The following STK31 variants were observed in gnomAD, a reference collection of about 807,000 sequenced individuals.
STK31 encodes serine/threonine-protein kinase 31.
STK31 carries 89 observed loss-of-function variants against 129.7 expected under a neutral mutation model. That is an observed-to-expected ratio of 0.69 (90% CI 0.58 to 0.82). The LOEUF is 0.82. STK31 is among the 40% of genes least tolerant of loss of function. The pLI is 0.00. For synonymous variants in STK31, 448 were observed against 395.3 expected, an observed-to-expected ratio of 1.13 and a Z score of -1.58; for missense variants, 1,187 against 1,176.4, an observed-to-expected ratio of 1.01 and a Z score of -0.13.
At chr7:23,721,785 G>A (rs562175437) in intron 4 of STK31, 32 of 645,868 alleles carry the variant, frequency 5.0e-5, no homozygotes, top group East Asian at 2.1e-4. Flanking sequence ...CCAGTTCTGC[G>A]TTAACTGATC....
Position 23,763,353 on chromosome 7 carries a change from G to A in STK31, c.1416+430G>A, listed in dbSNP as rs148460779. Among the ~76,000 whole-genome samples the A allele has an allele frequency of 7.9e-5, 12 of 152,264 alleles. No individual in the cohort carries two copies. In the East Asian group the frequency reaches 2.3e-3, roughly 29 times the overall value. ...TGATGTGATCAGAGGCTAGAGTACT[G>A]TAGTACATATAGCTATATGATATGG... On this transcript the variant is annotated intron_variant, in intron 11 of 23. Transcript: ENST00000355870.
intron 15 of STK31, among the ~76,000 whole-genome samples, chr7:23,778,155 A>G (rs911116877): frequency 6.6e-6 from 1 of 152,170 alleles, no homozygotes. Flanking sequence ...AGAATGTTGA[A>G]TATTGGCCCC....
chr7:23,730,879 T>TATATATATATATA (rs1491380351), intron 6 of STK31, among the ~76,000 whole-genome samples: 30 of 39,308 alleles, frequency 7.6e-4, no homozygotes, highest in African/African-American at 2.0e-3. Flanking sequence ...TATATATATA[T>TATATATATATATA]TTTTTTTTTT....
chr7:23,721,819 T>G, intron 4 of STK31: 1 of 561,416 alleles, frequency 1.8e-6, no homozygotes, highest in Non-Finnish European at 3.3e-6. Context: ...ATCCTCTACA[T>G]TCATTTGATC....
intron 1 of STK31, among the ~76,000 whole-genome samples, chr7:23,711,278 A>T (rs1785943874): frequency 1.3e-5 from 2 of 152,154 alleles, no homozygotes; most frequent in African/African-American, 4.8e-5. Flanking sequence ...CTCTACTAAA[A>T]ATACAAAAAT....
chr7:23,728,523 G>A (rs966179877), intron 5 of STK31, among the ~76,000 whole-genome samples: 1 of 152,062 alleles, frequency 6.6e-6, no homozygotes, highest in Admixed American at 6.5e-5. Context: ...ATGTTTTTCA[G>A]TTGGCTTTAA....
At chr7:23,737,194 T>G (rs926371644) in intron 8 of STK31, 116 bp downstream of exon 8, 1 of 933,550 alleles carries the variant, frequency 1.1e-6, no homozygotes, top group African/African-American at 1.7e-5. Flanking sequence ...TCTCCTTTGC[T>G]AATCCCTGTA....
intron 11 of STK31, among the ~76,000 whole-genome samples, chr7:23,766,867 T>C (rs1789860588): frequency 6.6e-6 from 1 of 152,174 alleles, no homozygotes; most frequent in South Asian, 2.1e-4. Context: ...GTTTAAAATC[T>C]TTTTATCTTA....
intron 8 of STK31, among the ~76,000 whole-genome samples, chr7:23,744,042 C>T (rs1469137998): frequency 6.6e-6 from 1 of 151,902 alleles, no homozygotes; most frequent in East Asian, 1.9e-4. Context: ...GCCTCAGCTT[C>T]CTGAGTAGCT....
intron 22 of STK31, among the ~76,000 whole-genome samples, chr7:23,799,697 A>G (rs1218148863): frequency 6.6e-6 from 1 of 152,234 alleles, no homozygotes; most frequent in Non-Finnish European, 1.5e-5. Context: ...TTCATGACTA[A>G]AACACCAAAA....
chr7:23,711,031 T>A (rs1338739264), intron 1 of STK31, among the ~76,000 whole-genome samples: 2 of 152,222 alleles, frequency 1.3e-5, no homozygotes, highest in Non-Finnish European at 2.9e-5. Flanking sequence ...AATTAAGTTG[T>A]GACAAAGTAA....
At chr7:23,716,295 A>G (rs1260272623) in intron 3 of STK31, among the ~76,000 whole-genome samples, 1 of 152,166 alleles carries the variant, frequency 6.6e-6, no homozygotes, top group Non-Finnish European at 1.5e-5. Context: ...CAGAAGTGAT[A>G]TTGTAGTCCT....
rs1302881752 is a variant in STK31 at position 23,769,663 on chromosome 7, A to G, written c.1620A>G (p.Gly540=). The G allele has an allele frequency of 1.8e-5, 29 of 1,610,976 alleles. No individual in the cohort carries two copies. Among genetic ancestry groups the G allele is most frequent in the Admixed American group, 5.0e-5 (3 of 59,820 alleles). ...AGGTTTTTGACCTATCTGTGGAAGG[A>G]TCACTGATTTCAGAAGACGCAATGG... is the stretch of plus-strand genomic sequence containing the variant. The part of the protein sequence containing the change: ...TLKVFDLSVE[G]SLISEDAMDN... The change falls in exon 13 of 24, where the codon GGA becomes GGG. Residue 540 remains glycine, a synonymous_variant. Transcript: ENST00000355870.
rs76762003 is a variant in STK31 at position 23,727,098 on chromosome 7, T to A, written c.250-143T>A. 1,542 of 674,948 alleles carry A rather than the reference T, an allele frequency of 2.3e-3. 17 individuals carry two copies. The African/African-American group carries it at 0.026, about 11-fold the overall frequency. 41.8% of individuals were successfully genotyped at this position (674,948 alleles called of 1,614,324 possible). On this transcript the variant is annotated intron_variant, in intron 4 of 23. Coordinates refer to ENST00000355870, the MANE Select transcript of STK31 (RefSeq NM_031414.5). ...TACATAGTGGCATAAACAAAGTACCTGCCTGATAGGATTGTGAGAATTAAA... is the reference window on the plus strand; with the variant it reads ...TACATAGTGGCATAAACAAAGTACCAGCCTGATAGGATTGTGAGAATTAAA...
Position 23,772,177 on chromosome 7 carries a change from A to G in STK31, c.1864A>G (p.Lys622Glu), listed in dbSNP as rs751298499. 13 of 1,590,014 alleles carry G rather than the reference A, an allele frequency of 8.2e-6. No individual in the cohort carries two copies. Among genetic ancestry groups the G allele is most frequent in the South Asian group, 1.2e-5 (1 of 86,948 alleles). Reference protein sequence around the residue: ...FKKQLIEYLNKSPSVDHLLSI... With the variant: ...FKKQLIEYLNESPSVDHLLSI... ...AAAGCAGCTTATTGAATATTTAAAT[A>G]AGAGTCCCAGTGTGGATCACTTGCT... Residue 622 changes from lysine (K) to glutamate (E), a missense_variant, in exon 15 of 24, where the codon AAG (lysine) becomes GAG (glutamate). By Grantham distance (56) the Lys-to-Glu change is moderately conservative. Transcript: ENST00000355870.
chr7:23,730,878 A>ATATATATATATATATTTTTTT, intron 6 of STK31, among the ~76,000 whole-genome samples: 8 of 59,548 alleles, frequency 1.3e-4, no homozygotes, highest in Admixed American at 2.7e-4. Context: ...ATATATATAT[A>ATATATATATATATATTTTTTT]TTTTTTTTTT....
chr7:23,777,045 G>T (rs1240330622), intron 15 of STK31, among the ~76,000 whole-genome samples: 4 of 152,142 alleles, frequency 2.6e-5, no homozygotes, highest in East Asian at 1.9e-4. Context: ...TGGTTTCAAA[G>T]AACTTATTTA....
intron 8 of STK31, among the ~76,000 whole-genome samples, chr7:23,749,097 T>G (rs1432919046): frequency 6.6e-6 from 1 of 152,270 alleles, no homozygotes; most frequent in Non-Finnish European, 1.5e-5. Flanking sequence ...TGTTTTGATA[T>G]CTAACATTTC....
intron 16 of STK31, among the ~76,000 whole-genome samples, chr7:23,781,750 A>G (rs1790939388): frequency 6.6e-6 from 1 of 152,242 alleles, no homozygotes; most frequent in Non-Finnish European, 1.5e-5. Context: ...AAAGAAGGAA[A>G]AACATCACTT....
Sources: allele counts gnomAD v4.1 joint callset (sites outside exome capture counted in the v4.1 genomes callset), GRCh38; gene constraint gnomAD v4.1.1; transcripts MANE v1.5; gene names NCBI Gene and HGNC (gene_info 2026-07-23, HGNC 2026-07-21).